CCL5: variants seen among roughly 807,000 people sequenced by gnomAD.
The protein encoded by CCL5 is C-C motif chemokine 5.
In CCL5, 5 loss-of-function variants were observed where a neutral mutation model predicts 9.0. The ratio of observed to expected loss-of-function variants is 0.55; its 90% CI spans 0.29 to 1.16. CCL5 has a LOEUF of 1.16. CCL5 is among the 50% of genes most tolerant of loss of function. CCL5 has a pLI of 0.08. For synonymous variants in CCL5, 66 were observed against 72.0 expected (o/e 0.92, Z 0.42); for missense variants, 183 against 183.2 (o/e 1.00, Z 0.01).
Position 35,872,513 on chromosome 17 carries a change from G to C in CCL5, c.271-49C>G, listed in dbSNP as rs376576620. The stretch of plus-strand genomic sequence containing the variant: ...GAGGATGAGACCTTGTCAGTACCGG[G>C]ACAGCCAGTTTGGGGGATGAAGTGG... On this transcript the variant is annotated intron_variant, in intron 3 of 3. Coordinates refer to ENST00000651122, the MANE Select transcript of CCL5 (RefSeq NM_001278736.2). 5.9e-6 allele frequency: 9 copies of C among 1,527,722 alleles called. No homozygotes were observed. In the African/African-American group the frequency reaches 1.1e-4, roughly 19 times the overall value. 94.6% of individuals were successfully genotyped at this position (1,527,722 alleles called of 1,614,324 possible).
intron 2 of CCL5, among the ~76,000 whole-genome samples, chr17:35,877,844 T>G (rs954192665): frequency 1.3e-5 from 2 of 152,170 alleles, no homozygotes; most frequent in African/African-American, 4.8e-5. Context: ...CCCTAGTTCC[T>G]CTGAGGTTTA....
intron 2 of CCL5, among the ~76,000 whole-genome samples, chr17:35,877,234 G>A (rs1363177150): frequency 6.6e-6 from 1 of 152,114 alleles, no homozygotes; most frequent in Non-Finnish European, 1.5e-5. Flanking sequence ...CCCTGGCTGG[G>A]TACAGTAGCT....
chr17:35,876,850 C>T (rs2088447468), intron 2 of CCL5, among the ~76,000 whole-genome samples: 1 of 152,126 alleles, frequency 6.6e-6, no homozygotes, highest in Admixed American at 6.6e-5. Context: ...TCTGCCAGGC[C>T]AAATCTCTCC....
chr17:35,872,330 C>T lies in CCL5; in HGVS notation c.405G>A (p.Leu135=), dbSNP rs370171166. Residue 135 remains leucine, a synonymous_variant, in exon 4 of 4, where the codon CTG becomes CTA. Transcript: ENST00000651122. ...CCTCCCAAGCTAGGACAAGAGCAAG[C>T]AGAAACAGGCAAATTTGTGTAAGTT... 12 of 1,609,286 alleles carry T rather than the reference C, an allele frequency of 7.5e-6. No homozygotes were observed. Among genetic ancestry groups the T allele is most frequent in the Non-Finnish European group, 1.0e-5 (12 of 1,176,768 alleles).
intron 3 of CCL5, among the ~76,000 whole-genome samples, chr17:35,873,103 T>A (rs2088394637): frequency 6.6e-6 from 1 of 152,108 alleles, no homozygotes; most frequent in South Asian, 2.1e-4. Flanking sequence ...TTGGCCAGGA[T>A]GGTCTCAAAC....
At chr17:35,877,775 A>G (rs991698726) in intron 2 of CCL5, among the ~76,000 whole-genome samples, 6 of 152,012 alleles carry the variant, frequency 3.9e-5, no homozygotes, top group Non-Finnish European at 8.8e-5. Flanking sequence ...TCTCTGATGG[A>G]TGGCTTTTTG....
chr17:35,873,911 A>G (rs2088409132), intron 3 of CCL5, among the ~76,000 whole-genome samples: 1 of 152,158 alleles, frequency 6.6e-6, no homozygotes, highest in Admixed American at 6.6e-5. Flanking sequence ...GCACCAAGTA[A>G]CCAGCCAGAA....
rs929347368 is a variant in CCL5 at position 35,872,215 on chromosome 17, G to A, written c.*55C>T. 3.6e-5 allele frequency: 47 copies of A among 1,321,872 alleles called. No individual in the cohort carries two copies. The highest frequency in any genetic ancestry group is 1.1e-4 in the East Asian group (4 of 37,580). 81.9% of individuals were successfully genotyped at this position (1,321,872 alleles called of 1,614,324 possible). ...TGGGATTACAGGCGTGAGCCACCAC[G>A]TCCAGCCTGGGGAAGGTTTTTGTAA... On this transcript the variant is annotated 3_prime_UTR_variant, in exon 4 of 4. Transcript: ENST00000651122.
chr17:35,876,331 G>A (rs1300676106), intron 2 of CCL5, among the ~76,000 whole-genome samples: 3 of 152,118 alleles, frequency 2.0e-5, no homozygotes, highest in Non-Finnish European at 4.4e-5. Flanking sequence ...CCTTTCCTCA[G>A]CTACCAACCC....
intron 2 of CCL5, among the ~76,000 whole-genome samples, chr17:35,875,861 CTCT>C (rs2088435958): frequency 6.6e-6 from 1 of 152,146 alleles, no homozygotes; most frequent in Non-Finnish European, 1.5e-5. Flanking sequence ...CTGCCCTTTT[CTCT>C]TCTTTGCGTT....
intron 2 of CCL5, 33 bp downstream of exon 2, chr17:35,878,495 G>A (rs773871651): frequency 6.8e-7 from 1 of 1,466,984 alleles, no homozygotes; most frequent in Non-Finnish European, 9.6e-7. Flanking sequence ...CAGGGAACAG[G>A]CTCTGGGAGG....
intron 3 of CCL5, chr17:35,875,417 C>T (rs992734733): frequency 5.7e-6 from 1 of 176,652 alleles, no homozygotes; most frequent in African/African-American, 2.4e-5. Flanking sequence ...CTTTCCCAGC[C>T]TCACTCAGAG....
At chr17:35,879,777 C>G (rs572368532) in intron 1 of CCL5, among the ~76,000 whole-genome samples, 2 of 152,188 alleles carry the variant, frequency 1.3e-5, no homozygotes, top group African/African-American at 4.8e-5. Context: ...GCCACATACC[C>G]TCTCATAAGC....
In CCL5 at chr17:35,880,262, G is replaced by GT; in HGVS notation, c.43dup (p.Thr15AsnfsTer69). ...GGCAGATGCAGGAGCGCAGAGGGCA[G>GT]TAGCAATGAGGATGACAGCGAGGGC... On this transcript the variant is annotated frameshift_variant, in exon 1 of 4. Transcript: ENST00000651122. LOFTEE classifies it high-confidence loss of function. 3 of 1,613,888 alleles carry GT rather than the reference G, an allele frequency of 1.9e-6. No individual in the cohort carries two copies. The highest frequency in any genetic ancestry group is 2.5e-6 in the Non-Finnish European group (3 of 1,179,914).
At chr17:35,879,416 C>T (rs900767803) in intron 1 of CCL5, among the ~76,000 whole-genome samples, 2 of 152,086 alleles carry the variant, frequency 1.3e-5, no homozygotes, top group African/African-American at 2.4e-5. Flanking sequence ...GGGCGGATCA[C>T]GAGGTCAAGA....
chr17:35,874,839 C>G (rs1365996953), intron 3 of CCL5, among the ~76,000 whole-genome samples: 1 of 152,146 alleles, frequency 6.6e-6, no homozygotes, highest in African/African-American at 2.4e-5. Flanking sequence ...TCTTGAACTC[C>G]TGACCTCAGA....
At chr17:35,875,768 T>A (rs1193744243) in intron 2 of CCL5, 1 of 198,418 alleles carries the variant, frequency 5.0e-6, no homozygotes, top group Non-Finnish European at 9.1e-6. Flanking sequence ...AAGTCTTCCC[T>A]CCTTACCTCC....
chr17:35,874,857 C>A (rs536925382), intron 3 of CCL5, among the ~76,000 whole-genome samples: 1 of 152,252 alleles, frequency 6.6e-6, no homozygotes, highest in African/African-American at 2.4e-5. Context: ...AGATGACCAC[C>A]CGCCTCAGCC....
intron 1 of CCL5, 88 bp downstream of exon 1, chr17:35,880,142 G>A: frequency 2.0e-6 from 2 of 980,410 alleles, no homozygotes; most frequent in Non-Finnish European, 3.3e-6. Context: ...TGAAAAGAGG[G>A]CAAGGTGTGG....
Sources: gnomAD v4.1 joint callset for allele counts (sites outside exome capture counted in the v4.1 genomes callset) on GRCh38, gnomAD v4.1.1 for gene constraint, MANE v1.5 for transcripts, NCBI Gene and HGNC (gene_info 2026-07-23, HGNC 2026-07-21) for gene names.